CSMD1: variants seen among roughly 807,000 people sequenced by gnomAD.
CSMD1 encodes CUB and Sushi multiple domains 1, also known as CUB and sushi domain-containing protein 1.
A neutral mutation model predicts 417.5 loss-of-function variants in CSMD1; 213 were observed. The ratio of observed to expected loss-of-function variants is 0.51; its 90% CI spans 0.46 to 0.57. The LOEUF is 0.57. Among genes scored for constraint, CSMD1 ranks in the 20% least tolerant of loss-of-function variants. CSMD1 has a pLI of 0.00. For synonymous variants in CSMD1, 2,862 were observed against 1,736.8 expected (o/e 1.65, Z -16.11); for missense variants, 6,923 against 4,529.7 (o/e 1.53, Z -15.17).
intron 1 of CSMD1, among the ~76,000 whole-genome samples, chr8:4,766,689 G>A (rs1812487742): frequency 1.3e-5 from 2 of 152,194 alleles, no homozygotes; most frequent in Admixed American, 6.5e-5. Flanking sequence ...CTGAGGGAAT[G>A]AACTCCGAAC....
At chr8:4,662,013 C>G (rs1423722953) in intron 1 of CSMD1, among the ~76,000 whole-genome samples, 1 of 152,082 alleles carries the variant, frequency 6.6e-6, no homozygotes, top group Admixed American at 6.6e-5. Context: ...GTTTGATGAA[C>G]AATTATATCA....
chr8:4,042,648 C>G (rs1294391892), intron 3 of CSMD1, among the ~76,000 whole-genome samples: 2 of 151,396 alleles, frequency 1.3e-5, no homozygotes, highest in Non-Finnish European at 2.9e-5. Flanking sequence ...TTTTAAAAAT[C>G]TGTTTAAAAC....
At chr8:3,544,545 T>G (rs979185839) in intron 10 of CSMD1, among the ~76,000 whole-genome samples, 7 of 152,128 alleles carry the variant, frequency 4.6e-5, no homozygotes, top group African/African-American at 1.7e-4. Flanking sequence ...CGCCCTGAAT[T>G]GTTTCTTGCA....
At chr8:4,730,860 C>A (rs139135757) in intron 1 of CSMD1, among the ~76,000 whole-genome samples, 2 of 152,076 alleles carry the variant, frequency 1.3e-5, no homozygotes, top group African/African-American at 4.8e-5. Context: ...AGAGCCGTAA[C>A]GAGAAATGTC....
At chr8:3,655,623 C>A (rs1037623107) in intron 7 of CSMD1, among the ~76,000 whole-genome samples, 6 of 151,602 alleles carry the variant, frequency 4.0e-5, no homozygotes, top group Non-Finnish European at 7.4e-5. Context: ...GGGCTGCAAG[C>A]CAGCTGAGCC....
At chr8:3,934,583 G>T (rs1049646197) in intron 5 of CSMD1, among the ~76,000 whole-genome samples, 1 of 152,096 alleles carries the variant, frequency 6.6e-6, no homozygotes, top group Admixed American at 6.6e-5. Flanking sequence ...GGCCAGGCGC[G>T]GTGGCTGATG....
chr8:3,888,807 G>T (rs1217954029), intron 5 of CSMD1, among the ~76,000 whole-genome samples: 2 of 152,030 alleles, frequency 1.3e-5, no homozygotes, highest in Non-Finnish European at 2.9e-5. Context: ...CTTCTAAAAT[G>T]AGCTAAGAAA....
intron 7 of CSMD1, among the ~76,000 whole-genome samples, chr8:3,684,315 T>C (rs982299260): frequency 2.8e-5 from 4 of 145,350 alleles, no homozygotes; most frequent in South Asian, 2.1e-4. Context: ...TTATATAAAA[T>C]ATATAGCTAT....
At chr8:4,940,991 C>G (rs552760822) in intron 1 of CSMD1, among the ~76,000 whole-genome samples, 1 of 152,186 alleles carries the variant, frequency 6.6e-6, no homozygotes, top group African/African-American at 2.4e-5. Context: ...TCTTAAAGTT[C>G]AAGAAAGAGC....
chr8:4,600,956 A>T (rs200759634), intron 2 of CSMD1, among the ~76,000 whole-genome samples: 1 of 139,098 alleles, frequency 7.2e-6, no homozygotes, highest in African/African-American at 2.7e-5. Flanking sequence ...TCTTAATTAG[A>T]TTTTTTTTTT....
chr8:4,957,785 C>G (rs191957412), intron 1 of CSMD1, among the ~76,000 whole-genome samples: 3 of 152,292 alleles, frequency 2.0e-5, no homozygotes, highest in African/African-American at 7.2e-5. Context: ...TGTACACAAA[C>G]TGACTAGGAC....
chr8:3,672,221 T>C (rs1039442939), intron 7 of CSMD1, among the ~76,000 whole-genome samples: 1 of 152,184 alleles, frequency 6.6e-6, no homozygotes, highest in South Asian at 2.1e-4. Flanking sequence ...GCCTGATTTG[T>C]TATTTGCTCA....
intron 49 of CSMD1, among the ~76,000 whole-genome samples, chr8:3,074,969 G>C (rs560554610): frequency 2.6e-5 from 4 of 152,272 alleles, no homozygotes; most frequent in Non-Finnish European, 4.4e-5. Flanking sequence ...GATGGGGCCG[G>C]ATTTCTCATG....
Position 3,698,081 on chromosome 8 carries a change from C to T in CSMD1, c.1009+10333G>A, listed in dbSNP as rs534281926. 1.5e-3 allele frequency among the ~76,000 whole-genome samples: 235 copies of T among 152,034 alleles called. 2 individuals are homozygous for T. The highest frequency in any genetic ancestry group is 4.9e-3 in the African/African-American group (205 of 41,454). On this transcript the variant is annotated intron_variant, in intron 7 of 69. Transcript: ENST00000635120. ...TATTTAAAAAATTATATGATATAAA[C>T]GGTATGATGAATAATTGATGAAACA...
intron 1 of CSMD1, among the ~76,000 whole-genome samples, chr8:4,748,314 A>C (rs1015504252): frequency 2.6e-5 from 4 of 152,244 alleles, no homozygotes; most frequent in African/African-American, 4.8e-5. Context: ...GCCAGAGTGC[A>C]CCATCTGAGT....
intron 12 of CSMD1, among the ~76,000 whole-genome samples, chr8:3,452,980 T>G (rs1456859814): frequency 1.3e-5 from 2 of 152,228 alleles, no homozygotes; most frequent in Non-Finnish European, 2.9e-5. Flanking sequence ...TATTAATTAT[T>G]GCCTCTATTT....
intron 62 of CSMD1, among the ~76,000 whole-genome samples, chr8:2,960,497 T>A (rs1803361825): frequency 1.3e-5 from 2 of 152,252 alleles, no homozygotes; most frequent in Admixed American, 6.5e-5. Flanking sequence ...GTACTTAAGA[T>A]GGTTAAAACA....
chr8:3,830,076 A>C (rs564191266), intron 5 of CSMD1, among the ~76,000 whole-genome samples: 2 of 152,130 alleles, frequency 1.3e-5, no homozygotes, highest in East Asian at 3.9e-4. Flanking sequence ...AAATCACCTT[A>C]ATTTTCTTCT....
chr8:3,617,445 T>C (rs557089494), intron 7 of CSMD1, among the ~76,000 whole-genome samples: 1 of 152,190 alleles, frequency 6.6e-6, no homozygotes, highest in Non-Finnish European at 1.5e-5. Flanking sequence ...CCTGTATAAT[T>C]TGTCTAATCA....
Sources: gnomAD v4.1 joint callset for allele counts (sites outside exome capture counted in the v4.1 genomes callset) on GRCh38, gnomAD v4.1.1 for gene constraint, MANE v1.5 for transcripts, NCBI Gene and HGNC (gene_info 2026-07-23, HGNC 2026-07-21) for gene names.